The following LYRM4 variants were observed in gnomAD, a reference collection of about 807,000 sequenced individuals.
LYRM4 encodes the protein LYR motif containing 4.
Under a neutral mutation model 11.7 loss-of-function variants are expected in LYRM4, and 9 were observed. The observed-to-expected ratio is 0.77, with a 90% CI of 0.46 to 1.34. The LOEUF is 1.34. Ranked by LOEUF, LYRM4 falls within the 40% of genes most tolerant of loss-of-function variation. The pLI, the probability that LYRM4 is intolerant of heterozygous loss-of-function variation, is 0.00. For missense variants in LYRM4, 133 were observed against 112.5 expected, an observed-to-expected ratio of 1.18 and a Z score of -0.82; for synonymous variants, 42 against 40.4, an observed-to-expected ratio of 1.04 and a Z score of -0.15.
the LYRM4 span, among the ~76,000 whole-genome samples, chr6:5,053,167 G>T: frequency 6.6e-6 from 1 of 152,122 alleles, no homozygotes; most frequent in Non-Finnish European, 1.5e-5. Flanking sequence ...TTTTTTAGAT[G>T]ATTTTAAACA....
intron 2 of LYRM4, among the ~76,000 whole-genome samples, chr6:5,119,756 T>G (rs796377761): frequency 1.7e-5 from 2 of 120,696 alleles, no homozygotes; most frequent in South Asian, 2.7e-4. Context: ...ACAATTGCAC[T>G]ATAGCCTGGG....
At chr6:5,064,413 G>A in the LYRM4 span, among the ~76,000 whole-genome samples, 1 of 152,128 alleles carries the variant, frequency 6.6e-6, no homozygotes, top group South Asian at 2.1e-4. Context: ...GAGAAATTGA[G>A]TGGAAGGTAC....
the LYRM4 span, among the ~76,000 whole-genome samples, chr6:5,049,251 A>C: frequency 6.6e-6 from 1 of 152,168 alleles, no homozygotes; most frequent in African/African-American, 2.4e-5. Context: ...GATAACATAG[A>C]GCCCCCTACC....
the LYRM4 span, chr6:5,032,827 A>G: frequency 6.6e-6 from 1 of 152,182 alleles, no homozygotes; most frequent in Non-Finnish European, 1.5e-5. Context: ...CTTCCAGTCC[A>G]TGCTTTCAGA....
At chr6:5,257,575 A>G (rs1043006711) in intron 1 of LYRM4, among the ~76,000 whole-genome samples, 4 of 152,320 alleles carry the variant, frequency 2.6e-5, no homozygotes, top group Admixed American at 2.0e-4. Context: ...GAACCGGGCC[A>G]CACAGCAGTT....
the LYRM4 span, among the ~76,000 whole-genome samples, chr6:5,057,587 C>T: frequency 0.33 from 50,059 of 151,652 alleles, 12,299 homozygotes; most frequent in African/African-American, 0.7. Flanking sequence ...GGTATGATGG[C>T]GCCTGTAATC....
At chr6:5,032,483 G>T in the LYRM4 span, 4 of 152,120 alleles carry the variant, frequency 2.6e-5, no homozygotes, top group African/African-American at 9.7e-5. Context: ...AGCAAAATTT[G>T]TTAAATGTAC....
chr6:5,183,951 A>G (rs1294227191), intron 2 of LYRM4, among the ~76,000 whole-genome samples: 1 of 152,250 alleles, frequency 6.6e-6, no homozygotes, highest in Middle Eastern at 3.2e-3. Flanking sequence ...ATGTGAAGTA[A>G]TGGATGTGGT....
At chr6:5,070,733 T>C in the LYRM4 span, among the ~76,000 whole-genome samples, 10 of 151,938 alleles carry the variant, frequency 6.6e-5, no homozygotes, top group African/African-American at 2.2e-4. Context: ...AGAAATTACC[T>C]GGGCATGGTG....
chr6:5,168,854 T>A (rs1759248182), intron 2 of LYRM4, among the ~76,000 whole-genome samples: 1 of 152,116 alleles, frequency 6.6e-6, no homozygotes, highest in Non-Finnish European at 1.5e-5. Context: ...ACATGTGCGA[T>A]TTACTTTCAA....
At chr6:5,063,246 C>G in the LYRM4 span, among the ~76,000 whole-genome samples, 26 of 152,290 alleles carry the variant, frequency 1.7e-4, 1 homozygote, top group South Asian at 5.4e-3. Flanking sequence ...CATCCACCGA[C>G]TAAAGCCTTG....
At chr6:5,239,519 A>C (rs1763744304) in intron 1 of LYRM4, among the ~76,000 whole-genome samples, 1 of 152,042 alleles carries the variant, frequency 6.6e-6, no homozygotes, top group Non-Finnish European at 1.5e-5. Flanking sequence ...GTCAAGATGG[A>C]GTGCAAGGGG....
chr6:5,043,517 T>C, the LYRM4 span: 4 of 152,188 alleles, frequency 2.6e-5, no homozygotes, highest in Non-Finnish European at 5.9e-5. Context: ...CTTAGTTTGA[T>C]GTTAAAGTGT....
intron 1 of LYRM4, among the ~76,000 whole-genome samples, chr6:5,239,535 A>T (rs1763745784): frequency 6.6e-6 from 1 of 152,048 alleles, no homozygotes; most frequent in Non-Finnish European, 1.5e-5. Flanking sequence ...AGGGGCCTCC[A>T]ATGTCAAGCG....
rs1030445011 is a variant in LYRM4 at position 5,260,923 on chromosome 6, G to C, written c.-190C>G. 2 of 1,361,660 alleles carry C rather than the reference G, an allele frequency of 1.5e-6. No individual in the cohort carries two copies. Among genetic ancestry groups the C allele is most frequent in the African/African-American group, 3.1e-5 (2 of 64,470 alleles). The allele number at this position is 1,361,660 out of a possible 1,614,324, so 84.3% of individuals were successfully genotyped here. On this transcript the variant is annotated 5_prime_UTR_variant, in exon 1 of 3. Coordinates refer to ENST00000330636, the MANE Select transcript of LYRM4 (RefSeq NM_020408.6). ...CGGACGGCGCCAGGCGTCCCGCGCC[G>C]CTTCGGGGGCGGGCGCAGGCAGGGC... is the stretch of plus-strand genomic sequence containing the variant.
chr6:5,060,104 G>A, the LYRM4 span, among the ~76,000 whole-genome samples: 1 of 152,232 alleles, frequency 6.6e-6, no homozygotes, highest in African/African-American at 2.4e-5. Flanking sequence ...CATGTACATT[G>A]TTTCTGGTCT....
intron 2 of LYRM4, among the ~76,000 whole-genome samples, chr6:5,176,129 A>C (rs1415534179): frequency 6.7e-6 from 1 of 148,648 alleles, no homozygotes; most frequent in Non-Finnish European, 1.5e-5. Flanking sequence ...CAGTGGCGTG[A>C]TCTCAGCTCA....
intron 1 of LYRM4, among the ~76,000 whole-genome samples, chr6:5,256,807 A>G (rs1764700137): frequency 6.6e-6 from 1 of 152,140 alleles, no homozygotes; most frequent in Admixed American, 6.5e-5. Flanking sequence ...AAGACCAGCT[A>G]GTTCTGTATT....
At chr6:5,223,236 A>G (rs1762689384) in intron 1 of LYRM4, among the ~76,000 whole-genome samples, 1 of 152,232 alleles carries the variant, frequency 6.6e-6, no homozygotes, top group Non-Finnish European at 1.5e-5. Flanking sequence ...TGCTTTCCAC[A>G]GTCATTTGCA....
Sources: gnomAD v4.1 joint callset for allele counts (sites outside exome capture counted in the v4.1 genomes callset) on GRCh38, gnomAD v4.1.1 for gene constraint, MANE v1.5 for transcripts, NCBI Gene and HGNC (gene_info 2026-07-23, HGNC 2026-07-21) for gene names.